DPYD: variants seen among roughly 807,000 people sequenced by gnomAD.
The protein encoded by DPYD is dihydropyrimidine dehydrogenase [NADP(+)].
In DPYD, 109 loss-of-function variants were observed where a neutral mutation model predicts 116.2. The ratio of observed to expected loss-of-function variants is 0.94; its 90% CI spans 0.80 to 1.10. The LOEUF is 1.10. DPYD is among the 50% of genes least tolerant of loss of function. DPYD has a pLI of 0.00. For missense variants in DPYD, 1,302 were observed against 1,254.5 expected (o/e 1.04, Z -0.57); for synonymous variants, 440 against 432.0 (o/e 1.02, Z -0.23).
chr1:97,120,752 G>C (rs557448025), intron 20 of DPYD, among the ~76,000 whole-genome samples: 6 of 152,244 alleles, frequency 3.9e-5, no homozygotes, highest in African/African-American at 1.4e-4. Context: ...TTTCCTGTAA[G>C]TACAAAGCTT....
intron 18 of DPYD, among the ~76,000 whole-genome samples, chr1:97,240,276 T>G (rs1331410127): frequency 5.3e-5 from 8 of 151,986 alleles, no homozygotes; most frequent in Admixed American, 5.2e-4. Flanking sequence ...TCCATGGATT[T>G]TAATTACAAT....
chr1:97,864,799 T>A (rs1671291069), intron 2 of DPYD, among the ~76,000 whole-genome samples: 1 of 151,916 alleles, frequency 6.6e-6, no homozygotes, highest in South Asian at 2.1e-4. Flanking sequence ...ATTTGAAACT[T>A]TCATAACAGC....
chr1:97,633,542 T>C (rs1571097021), intron 8 of DPYD, among the ~76,000 whole-genome samples: 1 of 152,038 alleles, frequency 6.6e-6, no homozygotes, highest in East Asian at 1.9e-4. Flanking sequence ...TAGACATCAC[T>C]GTGGGAAGAA....
At chr1:97,565,586 C>A (rs1024285607) in intron 11 of DPYD, among the ~76,000 whole-genome samples, 1 of 152,144 alleles carries the variant, frequency 6.6e-6, no homozygotes, top group Non-Finnish European at 1.5e-5. Flanking sequence ...TCGGCCCATA[C>A]TTTTGTATAT....
At position 97,724,028 on chromosome 1, in the gene DPYD, A is replaced by G. The variant is rs1440976367; in HGVS notation, c.322-2357T>C. ...AAAATATACCATATCAGTAGAATAA[A>G]AGACAAAAAATCACACAATCATATT... On this transcript the variant is annotated intron_variant, in intron 4 of 22. Coordinates refer to ENST00000370192, the MANE Select transcript of DPYD (RefSeq NM_000110.4). 2.5e-4 allele frequency among the ~76,000 whole-genome samples: 38 copies of G among 151,710 alleles called. No individual in the cohort carries two copies. In the Admixed American group the frequency reaches 2.5e-3, roughly 10 times the overall value.
At chr1:97,856,667 TGAA>T (rs1558011767) in intron 2 of DPYD, 1 of 152,262 alleles carries the variant, frequency 6.6e-6, no homozygotes, top group Non-Finnish European at 1.5e-5. Flanking sequence ...AGATCTCTGA[TGAA>T]GGAGGAGTAT....
intron 18 of DPYD, among the ~76,000 whole-genome samples, chr1:97,257,535 G>A (rs935163447): frequency 1.3e-5 from 2 of 150,780 alleles, no homozygotes; most frequent in Admixed American, 6.6e-5. Context: ...ATATGTATAT[G>A]TGTGTGTATA....
At chr1:97,806,355 G>A (rs1571389113) in intron 3 of DPYD, among the ~76,000 whole-genome samples, 1 of 151,900 alleles carries the variant, frequency 6.6e-6, no homozygotes, top group East Asian at 1.9e-4. Flanking sequence ...ATACAAGTGG[G>A]TATAAAATAG....
rs1330540250 is a variant in DPYD, at chr1:97,447,419, T to C, written c.1905+2640A>G. 9.2e-5 allele frequency among the ~76,000 whole-genome samples: 14 copies of C among 152,274 alleles called. No individual in the cohort carries two copies. In the East Asian group the frequency reaches 2.7e-3, roughly 29 times the overall value. On this transcript the variant is annotated intron_variant, in intron 14 of 22. Transcript: ENST00000370192. ...ACTGTCTACTCTCAGCATGGCAATA[T>C]CGAGGTGCACACACATTATTTCTAT...
chr1:97,738,921 T>C (rs1044919793), intron 4 of DPYD, among the ~76,000 whole-genome samples: 2 of 152,134 alleles, frequency 1.3e-5, no homozygotes, highest in African/African-American at 4.8e-5. Context: ...TTTTTTTCTA[T>C]ACATTTGTGT....
intron 7 of DPYD, among the ~76,000 whole-genome samples, chr1:97,684,381 T>C (rs1221316692): frequency 6.6e-6 from 1 of 152,152 alleles, no homozygotes; most frequent in African/African-American, 2.4e-5. Flanking sequence ...TTGATTGTGC[T>C]GTGGCCTAAG....
intron 1 of DPYD, among the ~76,000 whole-genome samples, chr1:97,906,885 A>T (rs1673654297): frequency 1.3e-5 from 2 of 152,096 alleles, no homozygotes; most frequent in African/African-American, 4.8e-5. Context: ...TCACTTGAGG[A>T]AGCACTTTAC....
At chr1:97,563,529 A>C (rs1021496522) in intron 11 of DPYD, among the ~76,000 whole-genome samples, 3 of 152,174 alleles carry the variant, frequency 2.0e-5, no homozygotes, top group Admixed American at 2.0e-4. Flanking sequence ...TCTTGTATGT[A>C]ATCTTCAATT....
At chr1:97,731,712 T>C (rs1245142682) in intron 4 of DPYD, among the ~76,000 whole-genome samples, 4 of 152,034 alleles carry the variant, frequency 2.6e-5, no homozygotes, top group Non-Finnish European at 5.9e-5. Context: ...CTAGTTCAAT[T>C]ACATTTTCTT....
intron 18 of DPYD, among the ~76,000 whole-genome samples, chr1:97,245,507 T>C (rs1041729119): frequency 6.6e-6 from 1 of 152,112 alleles, no homozygotes; most frequent in Admixed American, 6.6e-5. Context: ...GGACTTGAAG[T>C]AATATTTCTC....
At chr1:97,613,438 G>A (rs1009856684) in intron 8 of DPYD, among the ~76,000 whole-genome samples, 26 of 151,776 alleles carry the variant, frequency 1.7e-4, no homozygotes, top group Admixed American at 3.9e-4. Flanking sequence ...TTACTCTTCT[G>A]CATCCTCATA....
intron 8 of DPYD, among the ~76,000 whole-genome samples, chr1:97,631,299 C>A (rs905999036): frequency 3.9e-5 from 6 of 152,068 alleles, no homozygotes; most frequent in African/African-American, 1.4e-4. Flanking sequence ...GCCCAGCCAG[C>A]CACAATCAGG....
At chr1:97,841,346 T>C (rs1451671235) in intron 2 of DPYD, among the ~76,000 whole-genome samples, 1 of 152,042 alleles carries the variant, frequency 6.6e-6, no homozygotes, top group Non-Finnish European at 1.5e-5. Context: ...ACCAAAAGAT[T>C]AGTGACCCTT....
chr1:97,894,263 C>T lies in DPYD; in HGVS notation c.40-10889G>A, dbSNP rs1390874800. On this transcript the variant is annotated intron_variant, in intron 1 of 22. Coordinates refer to ENST00000370192, the MANE Select transcript of DPYD (RefSeq NM_000110.4). ...GTCTTTTCTTATAAGAAGCACTAAT[C>T]CCACTATGAGGGTCCCACCCTCATG... Among the ~76,000 whole-genome samples, 3 of 151,734 alleles carry T rather than the reference C, an allele frequency of 2.0e-5. No individual in the cohort carries two copies. In the Admixed American group the frequency reaches 2.0e-4, roughly 10 times the overall value.
Sources: allele counts gnomAD v4.1 joint callset (sites outside exome capture counted in the v4.1 genomes callset), GRCh38; gene constraint gnomAD v4.1.1; transcripts MANE v1.5; gene names NCBI Gene and HGNC (gene_info 2026-07-23, HGNC 2026-07-21).